The following STAM variants were observed in gnomAD, a reference collection of about 807,000 sequenced individuals.
STAM encodes signal transducing adapter molecule 1.
STAM carries 16 observed loss-of-function variants against 63.4 expected under a neutral mutation model. That is an observed-to-expected ratio of 0.25 (90% CI 0.17 to 0.38). The LOEUF (loss-of-function observed/expected upper bound fraction) is 0.38. Ranked by LOEUF, STAM falls within the 10% of genes least tolerant of loss-of-function variation. STAM has a pLI of 1.00. For synonymous variants in STAM, 238 were observed against 223.9 expected, an observed-to-expected ratio of 1.06 and a Z score of -0.56; for missense variants, 636 against 657.1, an observed-to-expected ratio of 0.97 and a Z score of 0.35.
intron 9 of STAM, among the ~76,000 whole-genome samples, chr10:17,701,377 A>G (rs1554828403): frequency 2.6e-5 from 4 of 152,230 alleles, no homozygotes; most frequent in African/African-American, 7.2e-5. Context: ...AAATTATGCA[A>G]CTAGCAAACC....
At chr10:17,647,309 T>G (rs915910875) in intron 1 of STAM, among the ~76,000 whole-genome samples, 11 of 152,368 alleles carry the variant, frequency 7.2e-5, no homozygotes, top group African/African-American at 2.6e-4. Context: ...CAATGGTCAC[T>G]TTCTAGTCCA....
intron 8 of STAM, among the ~76,000 whole-genome samples, chr10:17,699,587 T>A (rs1399751079): frequency 6.6e-6 from 1 of 152,192 alleles, no homozygotes; most frequent in African/African-American, 2.4e-5. Flanking sequence ...AATGATAATA[T>A]TATATAACTA....
chr10:17,653,665 C>G (rs1477528523), intron 1 of STAM, among the ~76,000 whole-genome samples: 8 of 152,116 alleles, frequency 5.3e-5, no homozygotes, highest in African/African-American at 2.4e-5. Context: ...TCATTATGCC[C>G]TATACAGTAT....
intron 2 of STAM, among the ~76,000 whole-genome samples, chr10:17,667,170 A>G (rs769352732): frequency 1.3e-5 from 2 of 150,490 alleles, no homozygotes; most frequent in Non-Finnish European, 2.9e-5. Context: ...TTTGTTGCCC[A>G]GGCTGGAGTG....
intron 2 of STAM, among the ~76,000 whole-genome samples, chr10:17,664,076 A>G (rs2131588972): frequency 6.7e-6 from 1 of 149,496 alleles, no homozygotes; most frequent in South Asian, 2.1e-4. Flanking sequence ...TCTTGTTTTA[A>G]AAGAAATAAA....
chr10:17,674,962 C>T (rs544711533), intron 2 of STAM, among the ~76,000 whole-genome samples: 1 of 152,168 alleles, frequency 6.6e-6, no homozygotes, highest in Non-Finnish European at 1.5e-5. Flanking sequence ...AAATGTGATA[C>T]AAGGGTTTCT....
intron 5 of STAM, among the ~76,000 whole-genome samples, 181 bp downstream of exon 5, chr10:17,688,354 A>G (rs542430905): frequency 6.6e-6 from 1 of 152,286 alleles, no homozygotes; most frequent in East Asian, 1.9e-4. Flanking sequence ...TGGCATTCAG[A>G]GGTGCCAGAA....
chr10:17,705,800 G>A (rs913567883), intron 12 of STAM, 59 bp downstream of exon 12: 16 of 1,531,628 alleles, frequency 1.0e-5, no homozygotes, highest in Non-Finnish European at 1.4e-5. Flanking sequence ...AGGTGTGGTA[G>A]CTCATGCCTG....
intron 7 of STAM, chr10:17,696,159 T>G (rs1835745963): frequency 6.6e-6 from 1 of 150,424 alleles, no homozygotes; most frequent in Admixed American, 6.6e-5. Flanking sequence ...CAGACATATT[T>G]TAACATTTTT....
At position 17,708,862 on chromosome 10, in the gene STAM, G is replaced by A. The variant is rs782524823; in HGVS notation, c.1296G>A (p.Pro432=). 6.2e-6 allele frequency: 10 copies of A among 1,614,034 alleles called. No homozygotes were observed. Among genetic ancestry groups the A allele is most frequent in the Middle Eastern group, 1.6e-4 (1 of 6,084 alleles). The change falls in exon 13 of 14, where the codon CCG becomes CCA. Residue 432 remains proline, a synonymous_variant. Transcript: ENST00000377524. ...MSHLQSYSLP[P]EQLSSLSQAV... is the part of the protein sequence containing the mutation. ...ACCTCCAGAGCTACAGTCTTCCCCC[G>A]GAGCAGCTGTCTTCTCTCAGCCAGG...
At chr10:17,655,746 A>G (rs990668906) in intron 1 of STAM, among the ~76,000 whole-genome samples, 2 of 152,158 alleles carry the variant, frequency 1.3e-5, no homozygotes, top group Non-Finnish European at 2.9e-5. Context: ...GAATCTTGGT[A>G]TGAGTCATTT....
chr10:17,696,745 T>C (rs897815453), intron 7 of STAM, 30 bp from the exon 8 acceptor site: 3 of 1,443,276 alleles, frequency 2.1e-6, no homozygotes, highest in South Asian at 1.1e-5. Flanking sequence ...ACATTTGTTA[T>C]GGTAAAGCAT....
At chr10:17,683,089 T>A (rs1835153565) in intron 2 of STAM, among the ~76,000 whole-genome samples, 1 of 152,172 alleles carries the variant, frequency 6.6e-6, no homozygotes, top group African/African-American at 2.4e-5. Context: ...TTCTAGATGA[T>A]TGGTTATGTT....
chr10:17,669,229 T>C (rs897177361), intron 2 of STAM, among the ~76,000 whole-genome samples: 8 of 152,112 alleles, frequency 5.3e-5, no homozygotes, highest in African/African-American at 1.9e-4. Flanking sequence ...TTATATATTA[T>C]ATTTGCATAT....
intron 2 of STAM, among the ~76,000 whole-genome samples, chr10:17,678,627 A>G (rs1564546926): frequency 6.6e-6 from 1 of 152,202 alleles, no homozygotes; most frequent in Non-Finnish European, 1.5e-5. Flanking sequence ...TTGGTAAAAT[A>G]TATTTAACAT....
chr10:17,714,414 G>A (rs1836709549), intron 13 of STAM, 129 bp from the exon 14 acceptor site: 3 of 859,432 alleles, frequency 3.5e-6, no homozygotes, highest in Non-Finnish European at 5.7e-6. Flanking sequence ...GCACATTATA[G>A]CTGTTTAGTA....
intron 6 of STAM, among the ~76,000 whole-genome samples, chr10:17,694,436 G>T (rs1239184679): frequency 6.6e-6 from 1 of 152,150 alleles, no homozygotes; most frequent in Non-Finnish European, 1.5e-5. Context: ...AAAGGGTTCT[G>T]TGTTGAATTG....
At chr10:17,700,728 G>A (rs1258669478) in intron 9 of STAM, among the ~76,000 whole-genome samples, 1 of 151,948 alleles carries the variant, frequency 6.6e-6, no homozygotes, top group African/African-American at 2.4e-5. Flanking sequence ...TTTTACACTC[G>A]TATTCATATC....
At chr10:17,654,514 G>A (rs782495133) in intron 1 of STAM, among the ~76,000 whole-genome samples, 6 of 152,052 alleles carry the variant, frequency 3.9e-5, no homozygotes, top group South Asian at 4.1e-4. Context: ...GGGTCACCGC[G>A]CCCGGCTAAA....
Sources: allele counts gnomAD v4.1 joint callset (sites outside exome capture counted in the v4.1 genomes callset), GRCh38; gene constraint gnomAD v4.1.1; transcripts MANE v1.5; gene names NCBI Gene and HGNC (gene_info 2026-07-23, HGNC 2026-07-21).